Variants in MAN1C1 observed in about 807,000 individuals in gnomAD.
The protein encoded by MAN1C1 is mannosidase alpha class 1C member 1, also known as mannosyl-oligosaccharide 1,2-alpha-mannosidase IC.
In MAN1C1, 49 loss-of-function variants were observed where a neutral mutation model predicts 71.5. The observed-to-expected ratio is 0.69, with a 90% CI of 0.54 to 0.87. The LOEUF is 0.87. MAN1C1 is among the 40% of genes least tolerant of loss of function. The probability of loss-of-function intolerance (pLI) is 0.00; values close to 1 mark genes in which losing one functional copy is unlikely to be tolerated. For missense variants in MAN1C1, 743 were observed against 835.0 expected (o/e 0.89, Z 1.36); for synonymous variants, 352 against 343.7 (o/e 1.02, Z -0.27).
chr1:25,758,677 G>A lies in MAN1C1; in HGVS notation c.1015G>A (p.Glu339Lys). Reference sequence around the variant, plus strand: ...GCACTTGGAATTCTTACACCTCACTGAACTCTCTGGCAACCAGGTCTTCGC... The same window carrying A: ...GCACTTGGAATTCTTACACCTCACTAAACTCTCTGGCAACCAGGTCTTCGC... Reference protein sequence around the residue: ...SLHLEFLHLTELSGNQVFAEK... With the variant: ...SLHLEFLHLTKLSGNQVFAEK... The change falls in exon 6 of 12, where the codon GAA (glutamate) becomes AAA (lysine). Residue 339 changes from glutamate (E) to lysine (K), a missense_variant. By Grantham distance (56) the Glu-to-Lys change is moderately conservative (BLOSUM62 1). Coordinates refer to ENST00000374332, the MANE Select transcript of MAN1C1 (RefSeq NM_020379.4). 1 of 1,614,152 alleles carries A rather than the reference G, an allele frequency of 6.2e-7. No individual in the cohort carries two copies. The highest frequency in any genetic ancestry group is 8.5e-7 in the Non-Finnish European group (1 of 1,179,994).
intron 2 of MAN1C1, among the ~76,000 whole-genome samples, chr1:25,700,847 G>A (rs2046432429): frequency 6.6e-6 from 1 of 152,150 alleles, no homozygotes; most frequent in Admixed American, 6.5e-5. Context: ...GGCAGTGTTG[G>A]TGCTGCAGAT....
At chr1:25,749,479 A>G in intron 4 of MAN1C1, 144 bp downstream of exon 4, 1 of 604,162 alleles carries the variant, frequency 1.7e-6, no homozygotes, top group South Asian at 2.5e-5. Context: ...TCCACCCCTG[A>G]GGGCCTGTTT....
At chr1:25,643,250 A>AT (rs200240931) in intron 1 of MAN1C1, among the ~76,000 whole-genome samples, 4,064 of 145,544 alleles carry the variant, frequency 0.028, 74 homozygotes, top group South Asian at 0.043. Context: ...TAATTAATTA[A>AT]TTAATTTATT....
At position 25,746,612 on chromosome 1, in the gene MAN1C1, T is replaced by G; in HGVS notation, c.638-56T>G. On this transcript the variant is annotated intron_variant, in intron 2 of 11. Coordinates refer to ENST00000374332, the MANE Select transcript of MAN1C1 (RefSeq NM_020379.4). The surrounding 1 kb of genome is among the most constrained non-coding windows in gnomAD (Gnocchi z 4.0). ...GCCCTGAGAACGGTGGCTTGTCCAG[T>G]TGGGGAAAAGAGAAAGATGGCCCTG... The G allele has an allele frequency of 1.5e-6, 2 of 1,355,930 alleles. No individual in the cohort carries two copies. Among genetic ancestry groups the G allele is most frequent in the Non-Finnish European group, 2.1e-6 (2 of 957,766 alleles). 84.0% of individuals were successfully genotyped at this position (1,355,930 alleles called of 1,614,324 possible).
Position 25,663,338 on chromosome 1 carries a change from C to T in MAN1C1, c.541-23102C>T, listed in dbSNP as rs1011273128. On this transcript the variant is annotated intron_variant, in intron 1 of 11. Coordinates refer to ENST00000374332, the MANE Select transcript of MAN1C1 (RefSeq NM_020379.4). ...TAATACAGTAATTCCCCCTTACCTG[C>T]AGGAGATATGTTCCAAGACCCCCAG... Among the ~76,000 whole-genome samples, 5 of 152,096 alleles carry T rather than the reference C, an allele frequency of 3.3e-5. No individual in the cohort carries two copies. In the South Asian group the frequency reaches 6.2e-4, roughly 19 times the overall value.
chr1:25,771,835 G>C (rs1171327163), intron 8 of MAN1C1, 63 bp downstream of exon 8: 14 of 1,357,744 alleles, frequency 1.0e-5, no homozygotes, highest in Non-Finnish European at 1.4e-5. Context: ...TCTCACGGCC[G>C]AGCGAGGGTG....
At chr1:25,653,830 A>G (rs2045726063) in intron 1 of MAN1C1, among the ~76,000 whole-genome samples, 1 of 152,200 alleles carries the variant, frequency 6.6e-6, no homozygotes, top group Non-Finnish European at 1.5e-5. Flanking sequence ...AAAACTTGCC[A>G]TCCATCTTCT....
chr1:25,720,164 T>A (rs1283823619), intron 2 of MAN1C1, among the ~76,000 whole-genome samples: 1 of 152,238 alleles, frequency 6.6e-6, no homozygotes, highest in Non-Finnish European at 1.5e-5. Context: ...CCTTTGTGTG[T>A]TGTCTTTAGA....
At chr1:25,637,481 A>G (rs542506647) in intron 1 of MAN1C1, among the ~76,000 whole-genome samples, 10 of 152,300 alleles carry the variant, frequency 6.6e-5, no homozygotes, top group South Asian at 2.1e-4. Flanking sequence ...TATATGGTCT[A>G]TATTGGCAAA....
intron 8 of MAN1C1, among the ~76,000 whole-genome samples, chr1:25,773,730 A>C (rs1002152867): frequency 1.3e-5 from 2 of 152,156 alleles, no homozygotes; most frequent in African/African-American, 4.8e-5. Context: ...ATTTAAGGAA[A>C]CTCAGAGCAC....
chr1:25,673,225 C>T (rs1428432499), intron 1 of MAN1C1, among the ~76,000 whole-genome samples: 2 of 152,144 alleles, frequency 1.3e-5, no homozygotes, highest in East Asian at 3.9e-4. Context: ...CCGGGGCAGG[C>T]GGAGCACCTG....
chr1:25,690,368 C>G (rs1425883614), intron 2 of MAN1C1, among the ~76,000 whole-genome samples: 1 of 149,236 alleles, frequency 6.7e-6, no homozygotes, highest in Non-Finnish European at 1.5e-5. Context: ...TCTCAGCTCA[C>G]TTCAGCCGCT....
At chr1:25,745,906 G>A (rs1254285444) in intron 2 of MAN1C1, among the ~76,000 whole-genome samples, 2 of 151,872 alleles carry the variant, frequency 1.3e-5, no homozygotes, top group African/African-American at 4.8e-5. Flanking sequence ...CACGAGAATC[G>A]CTTGAACCCA....
intron 2 of MAN1C1, among the ~76,000 whole-genome samples, chr1:25,719,133 C>T (rs1296078108): frequency 1.3e-5 from 2 of 148,916 alleles, no homozygotes; most frequent in Non-Finnish European, 3.0e-5. Context: ...ACTGCAGTGG[C>T]GCGATCTTGG....
chr1:25,767,857 TCCCCCCACACA>T (rs2047465022), intron 7 of MAN1C1, among the ~76,000 whole-genome samples: 1 of 40,844 alleles, frequency 2.4e-5, no homozygotes, highest in South Asian at 8.0e-4. Context: ...TTACATACAC[TCCCCCCACACA>T]CTCCCCTCAC....
intron 1 of MAN1C1, among the ~76,000 whole-genome samples, chr1:25,661,706 T>C (rs2045851635): frequency 6.6e-6 from 1 of 152,198 alleles, no homozygotes; most frequent in African/African-American, 2.4e-5. Flanking sequence ...GAAAATGGGA[T>C]GTCTCCTCCC....
chr1:25,780,882 C>A (rs2047683237), intron 9 of MAN1C1, 58 bp from the exon 10 acceptor site: 1 of 1,565,902 alleles, frequency 6.4e-7, no homozygotes. Context: ...TCTCCTGGAT[C>A]CCGAAAAGCA....
chr1:25,623,577 A>G (rs2045249077), intron 1 of MAN1C1, among the ~76,000 whole-genome samples: 2 of 152,156 alleles, frequency 1.3e-5, no homozygotes, highest in South Asian at 4.1e-4. Context: ...CCAAAAATAA[A>G]TATTGTGATA....
In MAN1C1 at chr1:25,730,946, G is replaced by C. The variant is rs1291794418; in HGVS notation, c.638-15722G>C. 6.6e-6 allele frequency among the ~76,000 whole-genome samples: 1 copy of C among 152,214 alleles called. No homozygotes were observed. Among genetic ancestry groups the C allele is most frequent in the Non-Finnish European group, 1.5e-5 (1 of 68,034 alleles). Reference sequence around the variant, plus strand: ...GTTAAGTCATTTGGCTGTGGTCACAGGCTGGTAAGCCACAGAGCCAAGGCA... The same window carrying C: ...GTTAAGTCATTTGGCTGTGGTCACACGCTGGTAAGCCACAGAGCCAAGGCA... On this transcript the variant is annotated intron_variant, in intron 2 of 11. Transcript: ENST00000374332. The surrounding 1 kb of genome is among the most constrained non-coding windows in gnomAD (Gnocchi z 4.3).
Sources: gnomAD v4.1 joint callset for allele counts (sites outside exome capture counted in the v4.1 genomes callset) on GRCh38, gnomAD v4.1.1 for gene constraint, Gnocchi (gnomAD v3.1) non-coding constraint, MANE v1.5 for transcripts, NCBI Gene and HGNC (gene_info 2026-07-23, HGNC 2026-07-21) for gene names.